Variants in BCL11B observed in about 807,000 individuals in gnomAD.
BCL11B encodes BCL11 transcription factor B, also known as B-cell lymphoma/leukemia 11B.
In BCL11B, 8 loss-of-function variants were observed where a neutral mutation model predicts 49.9. The ratio of observed to expected loss-of-function variants is 0.16; its 90% CI spans 0.09 to 0.29. The LOEUF (loss-of-function observed/expected upper bound fraction) is 0.29, where lower values mean the gene tolerates loss of function less well. Ranked by LOEUF, BCL11B falls within the 10% of genes least tolerant of loss-of-function variation. The pLI is 1.00. For missense variants in BCL11B, 1,006 were observed against 1,351.0 expected, an observed-to-expected ratio of 0.74 and a Z score of 4.00; for synonymous variants, 739 against 637.4, an observed-to-expected ratio of 1.16 and a Z score of -2.40.
At position 99,271,911 on chromosome 14, in the gene BCL11B, T is replaced by C. The variant is rs1048780321; in HGVS notation, c.-693A>G. On this transcript the variant is annotated 5_prime_UTR_variant, in exon 1 of 4. Transcript: ENST00000357195. ...TTCTGCGGGCTGCCTGTTTTTGTTT[T>C]TGTTTTTGTTTTTTCTCGGAGACTG... Among the ~76,000 whole-genome samples, 1 of 152,024 alleles carries C rather than the reference T, an allele frequency of 6.6e-6. No homozygotes were observed. Among genetic ancestry groups the C allele is most frequent in the African/African-American group, 2.4e-5 (1 of 41,410 alleles).
chr14:99,236,016 T>C (rs1343590650), intron 2 of BCL11B, among the ~76,000 whole-genome samples: 1 of 152,090 alleles, frequency 6.6e-6, no homozygotes, highest in African/African-American at 2.4e-5. Context: ...GAATCCAGTC[T>C]GAGGAGGGGG....
At chr14:99,269,522 C>CA (rs991496928) in intron 1 of BCL11B, among the ~76,000 whole-genome samples, 2 of 132,656 alleles carry the variant, frequency 1.5e-5, no homozygotes, top group Non-Finnish European at 3.6e-5. Context: ...TATTCCCCCC[C>CA]CCCCAAAAAA....
chr14:99,230,338 C>G (rs1888291298), intron 3 of BCL11B, among the ~76,000 whole-genome samples: 1 of 152,222 alleles, frequency 6.6e-6, no homozygotes, highest in Non-Finnish European at 1.5e-5. Flanking sequence ...CTGCAACATG[C>G]CTGGTGACAA....
At position 99,233,934 on chromosome 14, in the gene BCL11B, T is replaced by C. The variant is rs372298387; in HGVS notation, c.428-2377A>G. On this transcript the variant is annotated intron_variant, in intron 2 of 3. Coordinates refer to ENST00000357195, the MANE Select transcript of BCL11B (RefSeq NM_138576.4). Reference sequence around the variant, plus strand: ...CAAATCCCAAGCTCTACAGGGCCTCTCTGGGGCTCCCAGAGCACCTTCTAC... The same window carrying C: ...CAAATCCCAAGCTCTACAGGGCCTCCCTGGGGCTCCCAGAGCACCTTCTAC... Among the ~76,000 whole-genome samples, 24 of 152,100 alleles carry C rather than the reference T, an allele frequency of 1.6e-4. No homozygotes were observed. The East Asian group carries it at 3.9e-3, about 25-fold the overall frequency.
rs1015869108 is a variant in BCL11B, at chr14:99,175,222, C to G, written c.1614G>C (p.Glu538Asp). The G allele has an allele frequency of 2.3e-5, 36 of 1,551,502 alleles. No homozygotes were observed. The highest frequency in any genetic ancestry group is 3.0e-5 in the Non-Finnish European group (35 of 1,150,930). ...HEPEEEDEEE[E>D]EEEEELLLEN... is the part of the protein sequence containing the mutation. ...CCAGTAGCAGCTCCTCCTCCTCCTC[C>G]TCCTCCTCCTCGTCCTCCTCCTCCG... Residue 538 changes from glutamate to aspartate, a missense_variant, in exon 4 of 4, where the codon GAG becomes GAC. Physicochemically the swap from Glu to Asp is conservative, Grantham distance 45. Around this residue, in one of 6 missense-constraint regions of BCL11B, gnomAD observed 443 missense variants for 499.7 expected, o/e 0.89. Coordinates refer to ENST00000357195, the MANE Select transcript of BCL11B (RefSeq NM_138576.4).
chr14:99,270,545 C>A (rs1889636869), intron 1 of BCL11B, among the ~76,000 whole-genome samples: 1 of 151,968 alleles, frequency 6.6e-6, no homozygotes. Context: ...TTGCAAATAG[C>A]AGGAGGAGGG....
chr14:99,200,189 G>A (rs1887334701), intron 3 of BCL11B, among the ~76,000 whole-genome samples: 1 of 152,090 alleles, frequency 6.6e-6, no homozygotes, highest in Admixed American at 6.5e-5. Flanking sequence ...GAGTATTTGG[G>A]AATCCAGGAT....
intron 3 of BCL11B, among the ~76,000 whole-genome samples, chr14:99,199,679 T>G: frequency 1.4e-5 from 1 of 69,956 alleles, no homozygotes; most frequent in Non-Finnish European, 3.7e-5. Context: ...TGTGTGTGTG[T>G]GTGTGCGCGC....
chr14:99,196,753 C>A (rs1324245329), intron 3 of BCL11B, among the ~76,000 whole-genome samples: 1 of 152,210 alleles, frequency 6.6e-6, no homozygotes, highest in Non-Finnish European at 1.5e-5. Context: ...GGAACAGGAG[C>A]TCTGTGTGCA....
Position 99,243,551 on chromosome 14 carries a change from A to C in BCL11B, c.428-11994T>G, listed in dbSNP as rs551623175. ...TTGGCTAGCCCCATTTTATAGATGA[A>C]GCAACTAACAGATGAACTGGTTTGC... On this transcript the variant is annotated intron_variant, in intron 2 of 3. Coordinates refer to ENST00000357195, the MANE Select transcript of BCL11B (RefSeq NM_138576.4). Among the ~76,000 whole-genome samples, 143 of 152,286 alleles carry C rather than the reference A, an allele frequency of 9.4e-4. 1 individual carries two copies. The highest frequency in any genetic ancestry group is 7.2e-4 in the Non-Finnish European group (49 of 68,028).
chr14:99,244,826 C>A (rs1474142983), intron 2 of BCL11B, among the ~76,000 whole-genome samples: 1 of 152,216 alleles, frequency 6.6e-6, no homozygotes, highest in African/African-American at 2.4e-5. Flanking sequence ...TTACACAATA[C>A]TCGCCTTGAG....
chr14:99,217,385 G>GACACACACAC (rs112404818), intron 3 of BCL11B, among the ~76,000 whole-genome samples: 33 of 131,128 alleles, frequency 2.5e-4, no homozygotes, highest in African/African-American at 7.8e-4. Flanking sequence ...CACACATACA[G>GACACACACAC]ACACACACAC....
chr14:99,245,327 G>A (rs1384788587), intron 2 of BCL11B, among the ~76,000 whole-genome samples: 1 of 152,230 alleles, frequency 6.6e-6, no homozygotes, highest in Non-Finnish European at 1.5e-5. Flanking sequence ...AGGAGCTTCG[G>A]TGTCCCACTC....
intron 3 of BCL11B, among the ~76,000 whole-genome samples, chr14:99,190,890 C>T (rs7153472): frequency 0.14 from 19,905 of 142,272 alleles, 1,661 homozygotes; most frequent in Non-Finnish European, 0.19. Flanking sequence ...CCACTCCCAC[C>T]GCCCGCTTCG....
Position 99,194,802 on chromosome 14 carries a change from C to A in BCL11B, c.641-18607G>T, listed in dbSNP as rs1384451276. ...CAGACGGCCTTCGATAATAGCAACC[C>A]CCGAGGATGCAGACAGGCCTGAACC... On this transcript the variant is annotated intron_variant, in intron 3 of 3. Transcript: ENST00000357195. This position sits in a 1 kb window ranked among gnomAD's most constrained non-coding sequence, Gnocchi z 4.6. Among the ~76,000 whole-genome samples, 1 of 152,128 alleles carries A rather than the reference C, an allele frequency of 6.6e-6. No homozygotes were observed. The highest frequency in any genetic ancestry group is 1.9e-4 in the East Asian group (1 of 5,194).
chr14:99,271,226 G>A lies in BCL11B; in HGVS notation c.-8C>T. The stretch of plus-strand genomic sequence containing the variant: ...CTGTTTGCGGCGGGACATTGCCCCG[G>A]CATCTATTCTGGCATCGCCCGGAGA... On this transcript the variant is annotated 5_prime_UTR_variant, in exon 1 of 4. Transcript: ENST00000357195. 6.6e-7 allele frequency: 1 copy of A among 1,522,024 alleles called. No individual in the cohort carries two copies. Among genetic ancestry groups the A allele is most frequent in the Non-Finnish European group, 8.8e-7 (1 of 1,139,606 alleles). 94.3% of individuals were successfully genotyped at this position (1,522,024 alleles called of 1,614,324 possible).
At chr14:99,191,695 C>CA (rs1887034951) in intron 3 of BCL11B, among the ~76,000 whole-genome samples, 1 of 151,330 alleles carries the variant, frequency 6.6e-6, no homozygotes, top group South Asian at 2.1e-4. Flanking sequence ...CATTTGTCAG[C>CA]ACCCCCCTGC....
chr14:99,263,076 A>T (rs1192518536), intron 1 of BCL11B: 2 of 152,572 alleles, frequency 1.3e-5, no homozygotes, highest in Admixed American at 6.5e-5. Flanking sequence ...ATTAGGACAC[A>T]AGTTGGGGGT....
chr14:99,221,907 C>A (rs374806975), intron 3 of BCL11B, among the ~76,000 whole-genome samples: 1 of 152,166 alleles, frequency 6.6e-6, no homozygotes, highest in Non-Finnish European at 1.5e-5. Flanking sequence ...GTATGACCAG[C>A]GTATGAAGGA....
Sources: allele counts gnomAD v4.1 joint callset (sites outside exome capture counted in the v4.1 genomes callset), GRCh38; gene constraint gnomAD v4.1.1; regional missense constraint gnomAD v4.1.1; non-coding constraint Gnocchi (gnomAD v3.1); transcripts MANE v1.5; gene names NCBI Gene and HGNC (gene_info 2026-07-23, HGNC 2026-07-21).